The following PTPRD variants were observed in gnomAD, a reference collection of about 807,000 sequenced individuals.
PTPRD encodes the protein receptor-type tyrosine-protein phosphatase delta.
A neutral mutation model predicts 214.5 loss-of-function variants in PTPRD; 34 were observed. That is an observed-to-expected ratio of 0.16 (90% confidence interval 0.12 to 0.21). PTPRD has a LOEUF of 0.21. PTPRD is among the 10% of genes least tolerant of loss of function. The pLI is 1.00. For synonymous variants in PTPRD, 1,128 were observed against 845.7 expected (o/e 1.33, Z -5.79); for missense variants, 2,545 against 2,398.7 (o/e 1.06, Z -1.27).
At chr9:9,366,792 T>A (rs1383694023) in intron 9 of PTPRD, among the ~76,000 whole-genome samples, 1 of 151,476 alleles carries the variant, frequency 6.6e-6, no homozygotes, top group Non-Finnish European at 1.5e-5. Flanking sequence ...GTCCTCATTA[T>A]TAGTAAACAT....
At chr9:9,694,716 C>G (rs2097338769) in intron 7 of PTPRD, among the ~76,000 whole-genome samples, 1 of 152,122 alleles carries the variant, frequency 6.6e-6, no homozygotes, top group African/African-American at 2.4e-5. Flanking sequence ...CCTTCACTTA[C>G]CAAAGGAAGA....
At chr9:9,345,472 T>C (rs1267738744) in intron 9 of PTPRD, among the ~76,000 whole-genome samples, 1 of 152,050 alleles carries the variant, frequency 6.6e-6, no homozygotes, top group Non-Finnish European at 1.5e-5. Context: ...GCTATGATTT[T>C]GACTTCCAAA....
At chr9:9,513,720 A>G (rs2096767036) in intron 8 of PTPRD, among the ~76,000 whole-genome samples, 1 of 152,078 alleles carries the variant, frequency 6.6e-6, no homozygotes, top group African/African-American at 2.4e-5. Context: ...GGTTTAGCCA[A>G]TAGATAGCAC....
At chr9:8,563,975 A>C (rs1318289613) in intron 14 of PTPRD, among the ~76,000 whole-genome samples, 8 of 152,154 alleles carry the variant, frequency 5.3e-5, no homozygotes, top group Admixed American at 5.2e-4. Flanking sequence ...CTCGGCATAC[A>C]ATTTTCAAAC....
intron 3 of PTPRD, among the ~76,000 whole-genome samples, chr9:10,216,968 TTCATTA>T (rs1314615780): frequency 1.3e-5 from 2 of 152,006 alleles, no homozygotes; most frequent in Non-Finnish European, 2.9e-5. Flanking sequence ...CCAGAACATA[TTCATTA>T]TATGGTTATT....
intron 5 of PTPRD, among the ~76,000 whole-genome samples, chr9:9,935,954 C>T (rs887270011): frequency 1.3e-5 from 2 of 151,268 alleles, no homozygotes; most frequent in East Asian, 1.9e-4. Flanking sequence ...CTTTGACAAA[C>T]CTGACCAAAA....
At chr9:10,018,245 G>C (rs1023945798) in intron 4 of PTPRD, among the ~76,000 whole-genome samples, 1 of 151,432 alleles carries the variant, frequency 6.6e-6, no homozygotes, top group Admixed American at 6.6e-5. Context: ...GAAAAGGAAA[G>C]GAAAAAAAAA....
intron 2 of PTPRD, among the ~76,000 whole-genome samples, chr9:10,363,406 A>T (rs1047221751): frequency 2.0e-5 from 3 of 152,184 alleles, no homozygotes; most frequent in Admixed American, 1.3e-4. Context: ...TTCTTTACAC[A>T]CTTCCCTTCT....
chr9:10,544,692 T>C (rs2059831089), intron 2 of PTPRD, among the ~76,000 whole-genome samples: 1 of 152,194 alleles, frequency 6.6e-6, no homozygotes, highest in South Asian at 2.1e-4. Context: ...AAATGTGTAA[T>C]CTGACAACAT....
At chr9:8,752,360 T>C (rs888248580) in intron 11 of PTPRD, among the ~76,000 whole-genome samples, 4 of 152,118 alleles carry the variant, frequency 2.6e-5, no homozygotes, top group African/African-American at 4.8e-5. Flanking sequence ...ACAGATGCCA[T>C]GGCAACATCA....
At chr9:8,637,069 T>C (rs755732302) in intron 12 of PTPRD, among the ~76,000 whole-genome samples, 2 of 152,164 alleles carry the variant, frequency 1.3e-5, no homozygotes, top group African/African-American at 2.4e-5. Context: ...GTGCTTTTAT[T>C]GCTGAAATCT....
At chr9:9,158,630 T>C in intron 10 of PTPRD, among the ~76,000 whole-genome samples, 1 of 151,794 alleles carries the variant, frequency 6.6e-6, no homozygotes, top group East Asian at 1.9e-4. Context: ...ATAAAAATAA[T>C]AAAGAAGAAC....
At chr9:9,845,892 A>G (rs1036870488) in intron 5 of PTPRD, among the ~76,000 whole-genome samples, 2 of 152,110 alleles carry the variant, frequency 1.3e-5, no homozygotes, top group South Asian at 4.1e-4. Flanking sequence ...CCATGTCCAG[A>G]GGAAGTTAAT....
At chr9:10,201,606 A>G (rs745623246) in intron 3 of PTPRD, among the ~76,000 whole-genome samples, 17 of 151,784 alleles carry the variant, frequency 1.1e-4, no homozygotes, top group Non-Finnish European at 2.4e-4. Context: ...GTGTGTGTGT[A>G]TATGAATTTT....
At chr9:10,530,523 A>G (rs1013893389) in intron 2 of PTPRD, among the ~76,000 whole-genome samples, 5 of 152,152 alleles carry the variant, frequency 3.3e-5, no homozygotes, top group African/African-American at 1.2e-4. Context: ...TATTGTCAGA[A>G]AAAGAAGTCA....
intron 11 of PTPRD, among the ~76,000 whole-genome samples, chr9:8,868,471 T>G (rs1380804911): frequency 6.6e-6 from 1 of 152,118 alleles, no homozygotes; most frequent in East Asian, 1.9e-4. Flanking sequence ...CCCAAAGTGC[T>G]GGGATTACAG....
chr9:8,797,044 G>A (rs1465373615), intron 11 of PTPRD: 2 of 151,822 alleles, frequency 1.3e-5, no homozygotes, highest in Non-Finnish European at 2.9e-5. Flanking sequence ...AACCATTTGG[G>A]ATAAACTGAA....
chr9:9,963,043 G>C (rs1298222121), intron 4 of PTPRD, among the ~76,000 whole-genome samples: 2 of 151,940 alleles, frequency 1.3e-5, no homozygotes, highest in South Asian at 2.1e-4. Flanking sequence ...AAGGTTATCT[G>C]ACAAGCCTAG....
At chr9:8,384,032 A>T (rs1394753674) in intron 37 of PTPRD, among the ~76,000 whole-genome samples, 1 of 152,212 alleles carries the variant, frequency 6.6e-6, no homozygotes, top group Non-Finnish European at 1.5e-5. Context: ...AAGATAGATG[A>T]AGGGAAAAAG....
Sources: gnomAD v4.1 joint callset for allele counts (sites outside exome capture counted in the v4.1 genomes callset) on GRCh38, gnomAD v4.1.1 for gene constraint, MANE v1.5 for transcripts, NCBI Gene and HGNC (gene_info 2026-07-23, HGNC 2026-07-21) for gene names.